Variants in RPTOR observed in about 807,000 individuals in gnomAD.
RPTOR encodes regulatory-associated protein of mTOR.
RPTOR carries 21 observed loss-of-function variants against 169.9 expected under a neutral mutation model. The ratio of observed to expected loss-of-function variants is 0.12; its 90% CI spans 0.09 to 0.18. RPTOR has a LOEUF of 0.18. Ranked by LOEUF, RPTOR falls within the 10% of genes least tolerant of loss-of-function variation. RPTOR has a pLI of 1.00. For missense variants in RPTOR, 1,133 were observed against 1,855.9 expected (o/e 0.61, Z 7.16); for synonymous variants, 732 against 753.2 (o/e 0.97, Z 0.46).
chr17:80,783,724 G>A (rs746665631), intron 6 of RPTOR, among the ~76,000 whole-genome samples: 48 of 152,342 alleles, frequency 3.2e-4, no homozygotes, highest in Non-Finnish European at 5.1e-4. Context: ...TTGGCAGAAA[G>A]CTCCGATGAG....
rs1226555506 is a variant in RPTOR, at chr17:80,861,082, A to G, written c.1509+3182A>G. ...AAATATTTTCCCTGCTACCCATTAAACTACAGATAAAGAATGACTGCTTTG... is the reference window on the plus strand; with the variant it reads ...AAATATTTTCCCTGCTACCCATTAAGCTACAGATAAAGAATGACTGCTTTG... On this transcript the variant is annotated intron_variant, in intron 13 of 33. Coordinates refer to ENST00000306801, the MANE Select transcript of RPTOR (RefSeq NM_020761.3). This position sits in a 1 kb window ranked among gnomAD's most constrained non-coding sequence, Gnocchi z 4.5. Among the ~76,000 whole-genome samples, 1 of 145,104 alleles carries G rather than the reference A, an allele frequency of 6.9e-6. No homozygotes were observed. Among genetic ancestry groups the G allele is most frequent in the African/African-American group, 2.4e-5 (1 of 40,998 alleles).
At position 80,792,253 on chromosome 17, in the gene RPTOR, C is replaced by A. The variant is rs199898998; in HGVS notation, c.890+744C>A. ...CCCCATTTCTTCTAGAATTAACATG[C>A]AAGATAATTGTTTTCTACATCTTAA... On this transcript the variant is annotated intron_variant, in intron 7 of 33. Transcript: ENST00000306801. Among the ~76,000 whole-genome samples the A allele has an allele frequency of 2.6e-5, 4 of 152,234 alleles. No individual in the cohort carries two copies. The East Asian group carries it at 5.8e-4, about 22-fold the overall frequency.
intron 7 of RPTOR, among the ~76,000 whole-genome samples, chr17:80,812,080 T>A (rs1440134047): frequency 6.6e-6 from 1 of 152,262 alleles, no homozygotes; most frequent in African/African-American, 2.4e-5. Flanking sequence ...CTCCTCCAGG[T>A]GCTGGGATTA....
chr17:80,789,912 A>G (rs2067030187), intron 6 of RPTOR, among the ~76,000 whole-genome samples: 1 of 152,222 alleles, frequency 6.6e-6, no homozygotes, highest in African/African-American at 2.4e-5. Flanking sequence ...TTCTGTCATT[A>G]CTGGACTCTA....
chr17:80,835,028 C>A (rs1447914680), intron 9 of RPTOR, among the ~76,000 whole-genome samples: 2 of 152,184 alleles, frequency 1.3e-5, no homozygotes, highest in Non-Finnish European at 2.9e-5. Flanking sequence ...TCCCTCAATG[C>A]TGCTGAATAC....
chr17:80,764,473 C>T (rs2066767217), intron 6 of RPTOR, among the ~76,000 whole-genome samples: 1 of 151,670 alleles, frequency 6.6e-6, no homozygotes, highest in Non-Finnish European at 1.5e-5. Flanking sequence ...CATCCATGTC[C>T]CTACAAAGGA....
chr17:80,683,262 C>G (rs1307354062), intron 3 of RPTOR, among the ~76,000 whole-genome samples: 1 of 152,282 alleles, frequency 6.6e-6, no homozygotes, highest in South Asian at 2.1e-4. Context: ...CGGGCCAGTT[C>G]AGTTCTAATC....
At chr17:80,842,657 G>A (rs2067684058) in intron 10 of RPTOR, among the ~76,000 whole-genome samples, 1 of 152,186 alleles carries the variant, frequency 6.6e-6, no homozygotes, top group Non-Finnish European at 1.5e-5. Context: ...ATAGAGCATT[G>A]TTCTATACTT....
intron 2 of RPTOR, 45 bp downstream of exon 2, chr17:80,625,838 G>A (rs755139361): frequency 1.1e-5 from 16 of 1,411,202 alleles, no homozygotes; most frequent in East Asian, 6.8e-5. Context: ...CCGTCTGGCC[G>A]GCTCTGGCCT....
intron 24 of RPTOR, among the ~76,000 whole-genome samples, chr17:80,927,616 GTCTGTCTGTCTGTCTGTCTCTA>G (rs2068826260): frequency 1.3e-5 from 2 of 149,450 alleles, no homozygotes; most frequent in African/African-American, 4.9e-5. Context: ...GTGTCTGTCT[GTCTGTCTGTCTGTCTGTCTCTA>G]TGTGTGTGTG....
chr17:80,722,075 T>C (rs937067084), intron 4 of RPTOR, among the ~76,000 whole-genome samples: 1 of 150,830 alleles, frequency 6.6e-6, no homozygotes, highest in African/African-American at 2.5e-5. Context: ...ATAAAATTCA[T>C]TTTTTTTCAA....
intron 6 of RPTOR, among the ~76,000 whole-genome samples, chr17:80,766,374 G>C (rs1437257466): frequency 6.6e-6 from 1 of 152,126 alleles, no homozygotes. Context: ...AATAGAGACA[G>C]GGTCTCTCCC....
intron 1 of RPTOR, among the ~76,000 whole-genome samples, chr17:80,625,230 C>T (rs751635958): frequency 2.6e-5 from 4 of 152,232 alleles, no homozygotes; most frequent in South Asian, 2.1e-4. Flanking sequence ...CTGATGTGAA[C>T]GAATGTAAAC....
intron 1 of RPTOR, among the ~76,000 whole-genome samples, chr17:80,564,917 T>C (rs1368141236): frequency 6.6e-6 from 1 of 152,242 alleles, no homozygotes; most frequent in African/African-American, 2.4e-5. Flanking sequence ...GGACATGATC[T>C]TATTTTTTTG....
intron 1 of RPTOR, among the ~76,000 whole-genome samples, chr17:80,606,256 C>T (rs190519240): frequency 3.3e-5 from 5 of 150,918 alleles, no homozygotes; most frequent in East Asian, 1.9e-4. Context: ...GTGATCCACC[C>T]GCCTCGGCCT....
intron 7 of RPTOR, among the ~76,000 whole-genome samples, chr17:80,795,172 C>G (rs1291151654): frequency 6.6e-6 from 1 of 152,078 alleles, no homozygotes; most frequent in Non-Finnish European, 1.5e-5. Context: ...GCCTGGGGAG[C>G]GAGGGGTGCA....
At chr17:80,699,864 G>C (rs2066069735) in intron 3 of RPTOR, among the ~76,000 whole-genome samples, 1 of 150,196 alleles carries the variant, frequency 6.7e-6, no homozygotes, top group Admixed American at 6.6e-5. Flanking sequence ...CAGTGATGGG[G>C]AGCTAGAGGT....
chr17:80,737,056 T>G (rs1336909857), intron 5 of RPTOR, among the ~76,000 whole-genome samples: 1 of 152,238 alleles, frequency 6.6e-6, no homozygotes, highest in East Asian at 1.9e-4. Context: ...CAAGTGATAT[T>G]AATTTTTAGG....
chr17:80,560,071 C>A (rs2084460844), intron 1 of RPTOR, among the ~76,000 whole-genome samples: 1 of 152,208 alleles, frequency 6.6e-6, no homozygotes, highest in Admixed American at 6.5e-5. Flanking sequence ...GAATTTACAT[C>A]TTATAAGAGA....
Sources: gnomAD v4.1 joint callset for allele counts (sites outside exome capture counted in the v4.1 genomes callset) on GRCh38, gnomAD v4.1.1 for gene constraint, Gnocchi (gnomAD v3.1) non-coding constraint, MANE v1.5 for transcripts, NCBI Gene and HGNC (gene_info 2026-07-23, HGNC 2026-07-21) for gene names.